The following CIZ1 variants were observed in gnomAD, a reference collection of about 807,000 sequenced individuals.
CIZ1 encodes the protein CDKN1A interacting zinc finger protein 1.
In CIZ1, 58 loss-of-function variants were observed where a neutral mutation model predicts 118.6. That is an observed-to-expected ratio of 0.49 (90% CI 0.40 to 0.61). The LOEUF is 0.61. CIZ1 is among the 20% of genes least tolerant of loss of function. CIZ1 has a pLI of 0.00. For synonymous variants in CIZ1, 448 were observed against 443.4 expected, an observed-to-expected ratio of 1.01 and a Z score of -0.13; for missense variants, 921 against 1,115.9, an observed-to-expected ratio of 0.83 and a Z score of 2.49.
Position 128,177,751 on chromosome 9 carries a change from C to A in CIZ1, c.1633G>T (p.Gly545Trp). 1 of 1,597,130 alleles carries A rather than the reference C, an allele frequency of 6.3e-7. No homozygotes were observed. The highest frequency in any genetic ancestry group is 8.5e-7 in the Non-Finnish European group (1 of 1,172,266). ...AGAATGGTGACCTTCAGGGAGCCCC[C>A]GGCGCCCCATACCTGCATGGGGAGT... ...AREMPGVWGA[G>W]GSLKVTILQS... The change falls in exon 10 of 17, where the codon GGG (glycine) becomes TGG (tryptophan). Residue 545 changes from glycine (G) to tryptophan (W), a missense_variant. Gly to Trp is a radical substitution (Grantham distance 184). Coordinates refer to ENST00000372938, the MANE Select transcript of CIZ1 (RefSeq NM_001131016.2).
At chr9:128,169,962 C>T in intron 12 of CIZ1, 58 bp downstream of exon 12, 2 of 1,489,366 alleles carry the variant, frequency 1.3e-6, no homozygotes, top group Non-Finnish European at 1.9e-6. Context: ...TCTGTGTTGT[C>T]TGGACTCCAC....
At chr9:128,186,275 C>G (rs966864878) in intron 4 of CIZ1, among the ~76,000 whole-genome samples, 1 of 152,070 alleles carries the variant, frequency 6.6e-6, no homozygotes, top group African/African-American at 2.4e-5. Flanking sequence ...CTACCGATGA[C>G]AAAACGGAGA....
At chr9:128,192,643 A>G (rs1358954462), upstream of CIZ1, among the ~76,000 whole-genome samples, 1 of 152,144 alleles carries the variant, frequency 6.6e-6, no homozygotes, top group African/African-American at 2.4e-5. Flanking sequence ...CCTGGGTTCA[A>G]GTGGTCCTCC....
At chr9:128,174,170 C>A (rs939293838) in intron 11 of CIZ1, among the ~76,000 whole-genome samples, 5 of 152,214 alleles carry the variant, frequency 3.3e-5, no homozygotes, top group East Asian at 1.9e-4. Flanking sequence ...TGGGAACACC[C>A]CCCTGCCTTC....
At chr9:128,178,107 T>C (rs1299950402) in intron 9 of CIZ1, among the ~76,000 whole-genome samples, 1 of 151,948 alleles carries the variant, frequency 6.6e-6, no homozygotes, top group Admixed American at 6.5e-5. Flanking sequence ...ACATTACCCA[T>C]GCGAGGAGAC....
chr9:128,178,130 T>C (rs924594554), intron 9 of CIZ1, among the ~76,000 whole-genome samples: 2 of 152,094 alleles, frequency 1.3e-5, no homozygotes, highest in African/African-American at 4.8e-5. Flanking sequence ...GGGCTCTGGC[T>C]TGGGGATGGG....
chr9:128,179,926 C>G (rs374034573), intron 7 of CIZ1, among the ~76,000 whole-genome samples: 1 of 151,138 alleles, frequency 6.6e-6, no homozygotes, highest in African/African-American at 2.4e-5. Context: ...CCCGCCTCAG[C>G]CTCCCAAAGT....
chr9:128,175,307 A>AT (rs1830717310), intron 11 of CIZ1, among the ~76,000 whole-genome samples: 4 of 151,908 alleles, frequency 2.6e-5, no homozygotes. Flanking sequence ...TTCCCGTTAG[A>AT]TTTTTTCATC....
chr9:128,203,947 A>C lies in CIZ1; in HGVS notation c.-6+239T>G. The C allele has an allele frequency of 1.8e-4, 31 of 174,394 alleles. No homozygotes were observed. Among genetic ancestry groups the C allele is most frequent in the East Asian group, 3.1e-4 (2 of 6,372 alleles). 10.8% of individuals were successfully genotyped at this position (174,394 alleles called of 1,614,324 possible). On this transcript the variant is annotated intron_variant, in intron 1 of 17. Coordinates refer to the CIZ1 transcript ENST00000372948. The surrounding 1 kb of genome is among the most constrained non-coding windows in gnomAD (Gnocchi z 5.3). The stretch of plus-strand genomic sequence containing the variant: ...CAAAGAGCTGCCCCCCGCCCCCAAC[A>C]TGGGCATGGAGAGAGCCCGCATTAC...
chr9:128,201,222 C>T (rs995527288), intron 1 of CIZ1, among the ~76,000 whole-genome samples: 4 of 151,726 alleles, frequency 2.6e-5, no homozygotes, highest in Non-Finnish European at 5.9e-5. Context: ...GAGCCAAGAT[C>T]GCACCACTGC....
chr9:128,202,637 C>T (rs1196167579), intron 1 of CIZ1: 1 of 152,168 alleles, frequency 6.6e-6, no homozygotes, highest in Non-Finnish European at 1.5e-5. Context: ...AGAGAACACC[C>T]CCGACTCCTG....
upstream of CIZ1, chr9:128,192,019 G>A: frequency 3.3e-6 from 3 of 901,750 alleles, no homozygotes; most frequent in Non-Finnish European, 3.1e-6. Flanking sequence ...GAGGGGTGGA[G>A]GGAGAGTCCC....
chr9:128,176,749 G>C (rs2130944456), intron 10 of CIZ1, among the ~76,000 whole-genome samples: 1 of 152,268 alleles, frequency 6.6e-6, no homozygotes, highest in African/African-American at 2.4e-5. Flanking sequence ...TGCCAGGTGA[G>C]GCACAGAGTA....
At chr9:128,191,844 T>G, upstream of CIZ1, 2 of 1,479,680 alleles carry the variant, frequency 1.4e-6, no homozygotes, top group Non-Finnish European at 1.8e-6. This position sits in a 1 kb window ranked among gnomAD's most constrained non-coding sequence, Gnocchi z 5.5. Context: ...TCCTTCCTGT[T>G]CCCAACCCAC....
chr9:128,171,152 C>T (rs935753398), intron 11 of CIZ1, among the ~76,000 whole-genome samples: 4 of 152,014 alleles, frequency 2.6e-5, no homozygotes, highest in Non-Finnish European at 4.4e-5. Context: ...AAAAAGGGGG[C>T]CAGTCGCAGT....
chr9:128,183,259 A>G (rs1831911303), intron 5 of CIZ1, among the ~76,000 whole-genome samples: 1 of 152,224 alleles, frequency 6.6e-6, no homozygotes. Flanking sequence ...AACAGGCACC[A>G]GCCTGAGAGT....
intron 5 of CIZ1, among the ~76,000 whole-genome samples, chr9:128,183,931 C>T (rs1832023165): frequency 6.6e-6 from 1 of 152,128 alleles, no homozygotes; most frequent in Non-Finnish European, 1.5e-5. Context: ...TAGGGCCCAG[C>T]TAATTTTTGT....
At chr9:128,190,591 C>A in intron 2 of CIZ1, 97 bp downstream of exon 2, 1 of 1,460,922 alleles carries the variant, frequency 6.8e-7, no homozygotes, top group South Asian at 1.3e-5. Flanking sequence ...AGGACTCAAA[C>A]GGGGATGGCA....
Position 128,166,418 on chromosome 9 carries a change from A to C in CIZ1, c.2488-12T>G, listed in dbSNP as rs986747946. 4 of 1,512,558 alleles carry C rather than the reference A, an allele frequency of 2.6e-6. No homozygotes were observed. The highest frequency in any genetic ancestry group is 3.6e-6 in the Non-Finnish European group (4 of 1,123,674). 93.7% of individuals were successfully genotyped at this position (1,512,558 alleles called of 1,614,324 possible). The stretch of plus-strand genomic sequence containing the variant: ...GCCGCCTTGTATTTCTGGATACAGA[A>C]GGTGCAGGTAAGGTCAGGGTCTCCT... On this transcript the variant is annotated splice_polypyrimidine_tract_variant and intron_variant, in intron 16 of 16. Transcript: ENST00000372938. The surrounding 1 kb of genome is among the most constrained non-coding windows in gnomAD (Gnocchi z 4.4).
Sources: allele counts gnomAD v4.1 joint callset (sites outside exome capture counted in the v4.1 genomes callset), GRCh38; gene constraint gnomAD v4.1.1; non-coding constraint Gnocchi (gnomAD v3.1); transcripts MANE v1.5; gene names NCBI Gene and HGNC (gene_info 2026-07-23, HGNC 2026-07-21).